The following CRADD variants were observed in gnomAD, a reference collection of about 807,000 sequenced individuals.
CRADD encodes the protein CARD and death domain containing adaptor protein.
In CRADD, 9 loss-of-function variants were observed where a neutral mutation model predicts 15.5. That is an observed-to-expected ratio of 0.58 (90% confidence interval 0.35 to 1.01). The LOEUF (loss-of-function observed/expected upper bound fraction) is 1.01. Among genes scored for constraint, CRADD ranks in the 50% least tolerant of loss-of-function variants. CRADD has a pLI of 0.02. For synonymous variants in CRADD, 118 were observed against 107.6 expected (o/e 1.10, Z -0.60); for missense variants, 227 against 250.3 (o/e 0.91, Z 0.63).
At chr12:93,792,229 A>G (rs1029905792) in intron 2 of CRADD, among the ~76,000 whole-genome samples, 1 of 152,216 alleles carries the variant, frequency 6.6e-6, no homozygotes, top group African/African-American at 2.4e-5. Flanking sequence ...TCAGGACAAA[A>G]TCAAGTTATC....
chr12:93,778,175 T>C (rs1957160472), intron 2 of CRADD, among the ~76,000 whole-genome samples: 1 of 152,188 alleles, frequency 6.6e-6, no homozygotes, highest in Admixed American at 6.5e-5. Flanking sequence ...AAAACTTCAT[T>C]TTTGAAAATA....
chr12:93,769,895 C>T (rs530054224), intron 2 of CRADD, among the ~76,000 whole-genome samples: 6 of 152,166 alleles, frequency 3.9e-5, no homozygotes, highest in Non-Finnish European at 5.9e-5. Context: ...GATGTAAGTT[C>T]CTTTGTTGGT....
chr12:93,687,454 C>T lies in CRADD; in HGVS notation c.298+8382C>T, dbSNP rs149438650. Among the ~76,000 whole-genome samples the T allele has an allele frequency of 8.2e-4, 125 of 152,246 alleles. 1 individual carries two copies. The highest frequency in any genetic ancestry group is 2.9e-3 in the African/African-American group (122 of 41,534). On this transcript the variant is annotated intron_variant, in intron 2 of 2. Transcript: ENST00000332896. ...GCCCAGGCTCTACTCCAGGTGAATC[C>T]ATTACACAATCTCTGGAGGGTGGGT...
chr12:93,894,742 G>T (rs1422678223), downstream of CRADD: 1 of 153,176 alleles, frequency 6.5e-6, no homozygotes, highest in Non-Finnish European at 1.5e-5. Flanking sequence ...TGGTATTTGG[G>T]GACGGCTGTT....
At chr12:93,702,258 C>T (rs1379134044) in intron 2 of CRADD, among the ~76,000 whole-genome samples, 5 of 152,060 alleles carry the variant, frequency 3.3e-5, no homozygotes, top group East Asian at 1.9e-4. Flanking sequence ...AGAAAAGGGA[C>T]GAGTTGTTGG....
At chr12:93,891,592 A>ATG (rs1005420277) in intron 2 of CRADD, among the ~76,000 whole-genome samples, 1 of 152,118 alleles carries the variant, frequency 6.6e-6, no homozygotes, top group Non-Finnish European at 1.5e-5. Context: ...GTACACACTT[A>ATG]TGTGTGTGTG....
rs546721717 is a variant in CRADD at position 93,801,787 on chromosome 12, T to C, written c.299-48183T>C. Among the ~76,000 whole-genome samples the C allele has an allele frequency of 2.6e-5, 4 of 152,292 alleles. No homozygotes were observed. In the East Asian group the frequency reaches 7.7e-4, roughly 29 times the overall value. On this transcript the variant is annotated intron_variant, in intron 2 of 2. Transcript: ENST00000332896. ...TCTTTAGTGGTGATTTCTGAGATTT[T>C]AGTGCACCCGTCACTTGAGCAGGGT...
Position 93,781,573 on chromosome 12 carries a change from T to C in CRADD, c.299-68397T>C, listed in dbSNP as rs373146481. Among the ~76,000 whole-genome samples the C allele has an allele frequency of 1.4e-4, 21 of 152,326 alleles. 2 individuals are homozygous for C. The highest frequency in any genetic ancestry group is 1.2e-3 in the Admixed American group (19 of 15,304). On this transcript the variant is annotated intron_variant, in intron 2 of 2. Transcript: ENST00000332896. The stretch of plus-strand genomic sequence containing the variant: ...ACTTGAACCCACGGATCAGTCTCCA[T>C]ATCACTAAAAGTGGAACAGCCGAAC...
intron 2 of CRADD, among the ~76,000 whole-genome samples, chr12:93,732,617 A>G (rs530585506): frequency 6.6e-6 from 1 of 152,066 alleles, no homozygotes; most frequent in Admixed American, 6.5e-5. Context: ...GAATAGTGGA[A>G]CTCTTGTGTA....
intron 2 of CRADD, among the ~76,000 whole-genome samples, chr12:93,746,150 A>G (rs1956745945): frequency 6.6e-6 from 1 of 152,230 alleles, no homozygotes; most frequent in African/African-American, 2.4e-5. Context: ...AGAGAAAATT[A>G]ATGAGCTACA....
At chr12:93,832,071 TTGA>T (rs1381018360) in intron 2 of CRADD, among the ~76,000 whole-genome samples, 1 of 152,210 alleles carries the variant, frequency 6.6e-6, no homozygotes, top group Non-Finnish European at 1.5e-5. Flanking sequence ...TTTTTTTAAC[TTGA>T]TGATATCACA....
chr12:93,810,435 C>T (rs971516926), intron 2 of CRADD, among the ~76,000 whole-genome samples: 1 of 151,680 alleles, frequency 6.6e-6, no homozygotes, highest in Non-Finnish European at 1.5e-5. Context: ...CCTGTAATCT[C>T]AGCTACTTGG....
At chr12:93,836,199 T>C (rs1957970884) in intron 2 of CRADD, 1 of 152,198 alleles carries the variant, frequency 6.6e-6, no homozygotes, top group African/African-American at 2.4e-5. Flanking sequence ...GAAAAAAATG[T>C]AAGAAACCCA....
chr12:93,723,677 A>G (rs1254099429), intron 2 of CRADD, among the ~76,000 whole-genome samples: 1 of 152,202 alleles, frequency 6.6e-6, no homozygotes, highest in Non-Finnish European at 1.5e-5. Context: ...TGTTCAGTGC[A>G]TCGGCTTTGC....
chr12:93,861,299 G>T (rs1222740582), intron 2 of CRADD, among the ~76,000 whole-genome samples: 1 of 152,244 alleles, frequency 6.6e-6, no homozygotes, highest in African/African-American at 2.4e-5. Context: ...CCTAGCTTGT[G>T]TGATAAGAGG....
chr12:93,679,169 T>C (rs1390271403), intron 2 of CRADD, 97 bp downstream of exon 2: 1 of 988,676 alleles, frequency 1.0e-6, no homozygotes, highest in Non-Finnish European at 1.5e-6. Context: ...TGAGACAGAG[T>C]CTTGCTCTGT....
chr12:93,781,509 T>G (rs1017754661), intron 2 of CRADD, among the ~76,000 whole-genome samples: 2 of 152,136 alleles, frequency 1.3e-5, no homozygotes, highest in Non-Finnish European at 2.9e-5. Context: ...TAAAATCAGG[T>G]AAAATTGGTG....
At chr12:93,892,735 A>T (rs1958585202) in intron 2 of CRADD, among the ~76,000 whole-genome samples, 1 of 152,058 alleles carries the variant, frequency 6.6e-6, no homozygotes, top group Non-Finnish European at 1.5e-5. Flanking sequence ...TCTGGAAGGG[A>T]TCATTCGGGA....
At chr12:93,836,087 C>G (rs1957969571) in intron 2 of CRADD, 1 of 152,222 alleles carries the variant, frequency 6.6e-6, no homozygotes, top group Non-Finnish European at 1.5e-5. Flanking sequence ...TGCAGAATGT[C>G]TTCTCATTCT....
Sources: gnomAD v4.1 joint callset for allele counts (sites outside exome capture counted in the v4.1 genomes callset) on GRCh38, gnomAD v4.1.1 for gene constraint, MANE v1.5 for transcripts, NCBI Gene and HGNC (gene_info 2026-07-23, HGNC 2026-07-21) for gene names.